AGAP1: variants seen among roughly 807,000 people sequenced by gnomAD.
AGAP1 encodes ArfGAP with GTPase domain, ankyrin repeat and PH domain 1, also known as arf-GAP with GTPase, ANK repeat and PH domain-containing protein 1.
A neutral mutation model predicts 105.3 loss-of-function variants in AGAP1; 29 were observed. That is an observed-to-expected ratio of 0.28 (90% CI 0.21 to 0.38). The LOEUF is 0.38. Among genes scored for constraint, AGAP1 ranks in the 10% least tolerant of loss-of-function variants. The pLI is 1.00. For missense variants in AGAP1, 998 were observed against 1,165.1 expected (o/e 0.86, Z 2.09); for synonymous variants, 509 against 485.9 (o/e 1.05, Z -0.63).
chr2:235,536,418 C>T (rs1179480786), intron 1 of AGAP1, among the ~76,000 whole-genome samples: 1 of 120,656 alleles, frequency 8.3e-6, no homozygotes, highest in Non-Finnish European at 1.7e-5. Flanking sequence ...CACACACACA[C>T]ACACACACAC....
At position 235,961,782 on chromosome 2, in the gene AGAP1, T is replaced by G. The variant is rs2054198660; in HGVS notation, c.1484-6680T>G. Among the ~76,000 whole-genome samples the G allele has an allele frequency of 6.6e-6, 1 of 152,038 alleles. No homozygotes were observed. Among genetic ancestry groups the G allele is most frequent in the East Asian group, 1.9e-4 (1 of 5,172 alleles). On this transcript the variant is annotated intron_variant, in intron 12 of 17. Transcript: ENST00000304032. The surrounding 1 kb of genome is among the most constrained non-coding windows in gnomAD (Gnocchi z 5.9). ...ATTAGCTGGGCGTGGTGCAGGAGAA[T>G]CTCTTGAACCCAGGAGGCAGAGGTG...
rs758444912 is a variant in AGAP1, at chr2:235,908,837, C to G, written c.1255C>G (p.Pro419Ala). Residue 419 changes from proline to alanine, a missense_variant, in exon 11 of 18, where the codon CCC becomes GCC. Pro to Ala is a conservative substitution (Grantham distance 27). Transcript: ENST00000304032. The surrounding 1 kb of genome is among the most constrained non-coding windows in gnomAD (Gnocchi z 4.4). The part of the protein sequence containing the change: ...RPPRATSACA[P>A]ISSPKTNGLS... ...ACCCCGAGCCACGTCAGCCTGCGCACCCATCTCCAGCCCTAAAACCAATGG... is the reference window on the plus strand; with the variant it reads ...ACCCCGAGCCACGTCAGCCTGCGCAGCCATCTCCAGCCCTAAAACCAATGG... 6.2e-7 allele frequency: 1 copy of G among 1,614,118 alleles called. No homozygotes were observed. The highest frequency in any genetic ancestry group is 8.5e-7 in the Non-Finnish European group (1 of 1,180,012).
chr2:235,672,159 C>T (rs1948470123), intron 1 of AGAP1, among the ~76,000 whole-genome samples: 1 of 152,170 alleles, frequency 6.6e-6, no homozygotes, highest in Non-Finnish European at 1.5e-5. Flanking sequence ...TGCTGTGTAA[C>T]CCACCTCTGG....
intron 1 of AGAP1, among the ~76,000 whole-genome samples, chr2:235,617,133 A>G (rs1239695067): frequency 6.6e-6 from 1 of 152,126 alleles, no homozygotes; most frequent in African/African-American, 2.4e-5. Flanking sequence ...AATTTTAAGA[A>G]TTAATCGTAA....
chr2:235,786,186 A>T (rs917120138), intron 6 of AGAP1, among the ~76,000 whole-genome samples: 4 of 152,214 alleles, frequency 2.6e-5, no homozygotes, highest in Non-Finnish European at 1.5e-5. Context: ...TGGGATATTC[A>T]CTTGCCTCGT....
rs2059339304 is a variant in AGAP1 at position 236,101,273 on chromosome 2, C to T, written c.2115-18919C>T. ...AAAGGTATACCACATTAAGAAGACT[C>T]CTTATTGTTCCAAAGCAATGGTCCT... is the stretch of plus-strand genomic sequence containing the variant. On this transcript the variant is annotated intron_variant, in intron 16 of 17. Coordinates refer to ENST00000304032, the MANE Select transcript of AGAP1 (RefSeq NM_001037131.3). The surrounding 1 kb of genome is among the most constrained non-coding windows in gnomAD (Gnocchi z 4.9). Among the ~76,000 whole-genome samples the T allele has an allele frequency of 6.6e-6, 1 of 152,080 alleles. No homozygotes were observed. Among genetic ancestry groups the T allele is most frequent in the Non-Finnish European group, 1.5e-5 (1 of 67,960 alleles).
In AGAP1 at chr2:235,643,264, C is replaced by T. The variant is rs112710226; in HGVS notation, c.164-65915C>T. 5.1e-3 allele frequency among the ~76,000 whole-genome samples: 768 copies of T among 151,764 alleles called. 6 individuals carry two copies. The highest frequency in any genetic ancestry group is 7.9e-3 in the Non-Finnish European group (534 of 67,922). ...TGGCCAACATGGTGAAACTCTGTCTCTACTAAAAATACAAAAATTAGCTGG... is the reference window on the plus strand; with the variant it reads ...TGGCCAACATGGTGAAACTCTGTCTTTACTAAAAATACAAAAATTAGCTGG... On this transcript the variant is annotated intron_variant, in intron 1 of 17. Transcript: ENST00000304032.
chr2:235,928,460 C>T (rs1354346350), intron 11 of AGAP1, among the ~76,000 whole-genome samples: 1 of 152,168 alleles, frequency 6.6e-6, no homozygotes, highest in East Asian at 1.9e-4. Flanking sequence ...GGAACGAGCC[C>T]TGGAGTCAGC....
chr2:235,870,070 G>A (rs2049363970), intron 9 of AGAP1, among the ~76,000 whole-genome samples: 1 of 152,182 alleles, frequency 6.6e-6, no homozygotes, highest in Non-Finnish European at 1.5e-5. Context: ...TGAGGGGGCT[G>A]GTTTTTGTGT....
intron 13 of AGAP1, among the ~76,000 whole-genome samples, chr2:235,999,693 G>GTGA (rs1189301321): frequency 1.1e-5 from 1 of 92,212 alleles, no homozygotes; most frequent in African/African-American, 5.3e-5. Flanking sequence ...GGTCGTGGTG[G>GTGA]TGATGATAGT....
At chr2:235,809,470 C>T (rs1958015941) in intron 9 of AGAP1, among the ~76,000 whole-genome samples, 1 of 152,106 alleles carries the variant, frequency 6.6e-6, no homozygotes, top group South Asian at 2.1e-4. Flanking sequence ...CAGCAAAGTG[C>T]CCCCGTGGCC....
intron 16 of AGAP1, among the ~76,000 whole-genome samples, chr2:236,081,645 C>T (rs1195098870): frequency 1.3e-5 from 2 of 150,936 alleles, no homozygotes; most frequent in African/African-American, 4.9e-5. Flanking sequence ...AGTAATGTTT[C>T]CAGTCTGCTG....
chr2:236,026,777 G>C, intron 13 of AGAP1, among the ~76,000 whole-genome samples: 1 of 152,142 alleles, frequency 6.6e-6, no homozygotes, highest in East Asian at 1.9e-4. Context: ...ACTGTTGAGG[G>C]ATTTCTGGGG....
At chr2:235,776,597 G>A (rs1440730446) in intron 6 of AGAP1, among the ~76,000 whole-genome samples, 2 of 152,126 alleles carry the variant, frequency 1.3e-5, no homozygotes, top group Non-Finnish European at 1.5e-5. Flanking sequence ...AGTGCAGGGC[G>A]CCAGTATTTC....
At chr2:235,802,572 G>A (rs1436749628) in intron 8 of AGAP1, among the ~76,000 whole-genome samples, 1 of 152,232 alleles carries the variant, frequency 6.6e-6, no homozygotes, top group Non-Finnish European at 1.5e-5. Flanking sequence ...GACAGTGAAA[G>A]TTCTGGGCAG....
chr2:235,532,375 C>T (rs560208509), intron 1 of AGAP1, among the ~76,000 whole-genome samples: 3 of 152,318 alleles, frequency 2.0e-5, no homozygotes, highest in East Asian at 3.9e-4. Context: ...CGCCATCACA[C>T]CTAGCTAATT....
intron 5 of AGAP1, among the ~76,000 whole-genome samples, chr2:235,748,579 T>C (rs1953159805): frequency 6.6e-6 from 1 of 152,202 alleles, no homozygotes; most frequent in Non-Finnish European, 1.5e-5. Context: ...GAAGAAACCC[T>C]TAACTGCAGA....
At chr2:235,856,822 G>A (rs368466578) in intron 9 of AGAP1, among the ~76,000 whole-genome samples, 2 of 152,356 alleles carry the variant, frequency 1.3e-5, no homozygotes, top group Admixed American at 6.5e-5. Context: ...TTCCCTGCTT[G>A]ACACTCAGAC....
intron 1 of AGAP1, among the ~76,000 whole-genome samples, chr2:235,594,248 C>G (rs1945444029): frequency 6.6e-6 from 1 of 151,092 alleles, no homozygotes; most frequent in South Asian, 2.1e-4. Context: ...CTTCTGGTGA[C>G]TAGGAAGATT....
Sources: gnomAD v4.1 joint callset for allele counts (sites outside exome capture counted in the v4.1 genomes callset) on GRCh38, gnomAD v4.1.1 for gene constraint, Gnocchi (gnomAD v3.1) non-coding constraint, MANE v1.5 for transcripts, NCBI Gene and HGNC (gene_info 2026-07-23, HGNC 2026-07-21) for gene names.